Variants in SFTPB observed in about 807,000 individuals in gnomAD.
SFTPB encodes pulmonary surfactant-associated protein B.
A neutral mutation model predicts 51.0 loss-of-function variants in SFTPB; 32 were observed. The ratio of observed to expected loss-of-function variants is 0.63; its 90% CI spans 0.47 to 0.84. The LOEUF (loss-of-function observed/expected upper bound fraction) is 0.84. Among genes scored for constraint, SFTPB ranks in the 40% least tolerant of loss-of-function variants. The probability of loss-of-function intolerance (pLI) is 0.00; values close to 1 mark genes in which losing one functional copy is unlikely to be tolerated. For missense variants in SFTPB, 431 were observed against 491.2 expected, an observed-to-expected ratio of 0.88 and a Z score of 1.16; for synonymous variants, 211 against 208.5, an observed-to-expected ratio of 1.01 and a Z score of -0.10.
rs1483053482 is a variant in SFTPB at position 85,666,691 on chromosome 2, G to A, written c.319C>T (p.Leu107=). The part of the protein sequence containing the change: ...EQECNVLPLK[L]LMPQCNQVLD... ...ACTTGGTTGCACTGGGGCATGAGCA[G>A]CTTCAAGGGGAGGACGTTGCACTCC... is the stretch of plus-strand genomic sequence containing the variant. The change falls in exon 4 of 11, where the codon CTG becomes TTG. Residue 107 remains leucine, a synonymous_variant. Transcript: ENST00000519937. 1 of 1,613,842 alleles carries A rather than the reference G, an allele frequency of 6.2e-7. No individual in the cohort carries two copies. Among genetic ancestry groups the A allele is most frequent in the South Asian group, 1.1e-5 (1 of 91,082 alleles).
Position 85,666,679 on chromosome 2 carries a change from G to A in SFTPB, c.331C>T (p.Gln111Ter). ...NVLPLKLLMP[Q>*]CNQVLDDYFP... ...TAGTCGTCAAGCACTTGGTTGCACT[G>A]GGGCATGAGCAGCTTCAAGGGGAGG... The change falls in exon 4 of 11, where the codon CAG becomes TAG. Residue 111 changes from glutamine to a stop codon, truncating the protein, a stop_gained. Coordinates refer to ENST00000519937, the MANE Select transcript of SFTPB (RefSeq NM_000542.5). LOFTEE classifies it high-confidence loss of function. 1 of 1,613,828 alleles carries A rather than the reference G, an allele frequency of 6.2e-7. No homozygotes were observed. The highest frequency in any genetic ancestry group is 8.5e-7 in the Non-Finnish European group (1 of 1,179,806).
rs1367835782 is a variant in SFTPB at position 85,665,188 on chromosome 2, C to G, written c.672+101G>C. 7.5e-6 allele frequency: 7 copies of G among 934,346 alleles called. No homozygotes were observed. In the Admixed American group the frequency reaches 1.2e-4, roughly 16 times the overall value. 57.9% of individuals were successfully genotyped at this position (934,346 alleles called of 1,614,324 possible). A position where few individuals can be genotyped will look rare whatever the true frequency, so the allele number is the denominator to read the frequency against. ...TCCCCTCCTAACTTCTGGCAGCCAG[C>G]TGGGTCCTGACGGGGGTGTGAGTTG... On this transcript the variant is annotated intron_variant, in intron 6 of 10. Transcript: ENST00000519937.
Position 85,663,766 on chromosome 2 carries a change from G to A in SFTPB, c.754C>T (p.Arg252Cys), listed in dbSNP as rs772619023. ...GTGTCGAGCAGGATGACGGAGTAGC[G>A]CTCAGCCAGGCACTGGCAGATGCCG... ...AGGICQCLAE[R>C]YSVILLDTLL... Residue 252 changes from arginine (R) to cysteine (C), a missense_variant, in exon 7 of 11, where the codon CGC (arginine) becomes TGC (cysteine). Transcript: ENST00000519937. The A allele has an allele frequency of 8.1e-6, 13 of 1,606,650 alleles. No individual in the cohort carries two copies. The highest frequency in any genetic ancestry group is 4.0e-5 in the African/African-American group (3 of 74,792).
intron 6 of SFTPB, 85 bp from the exon 7 acceptor site, chr2:85,663,932 CTA>C: frequency 2.4e-6 from 3 of 1,268,188 alleles, no homozygotes; most frequent in Non-Finnish European, 3.3e-6. Flanking sequence ...TGGGCACTTC[CTA>C]CGCATTCCCT....
In SFTPB at chr2:85,663,857, G is replaced by A. The variant is rs1469974472; in HGVS notation, c.673-10C>T. 1.3e-6 allele frequency: 2 copies of A among 1,574,890 alleles called. No individual in the cohort carries two copies. The highest frequency in any genetic ancestry group is 8.6e-7 in the Non-Finnish European group (1 of 1,166,528). ...CCACAGCTAGCGCACCCTGGGGCGG[G>A]GGCGGAGAGAGGCCAGCATGGGACC... On this transcript the variant is annotated splice_polypyrimidine_tract_variant and intron_variant, in intron 6 of 10. Transcript: ENST00000519937.
chr2:85,666,489 G>T lies in SFTPB; in HGVS notation c.393+128C>A, dbSNP rs1468849119. 3.1e-5 allele frequency: 28 copies of T among 907,852 alleles called. 1 individual carries two copies. Among genetic ancestry groups the T allele is most frequent in the South Asian group, 2.3e-4 (15 of 64,580 alleles). The allele number at this position is 907,852 out of a possible 1,614,324, so 56.2% of individuals were successfully genotyped here. A position where few individuals can be genotyped will look rare whatever the true frequency, so the allele number is the denominator to read the frequency against. On this transcript the variant is annotated intron_variant, in intron 4 of 10. Coordinates refer to ENST00000519937, the MANE Select transcript of SFTPB (RefSeq NM_000542.5). Reference sequence around the variant, plus strand: ...TGTGTGTTTGTGTCTGGCCGGCTTGGGTGCTGTGTGTGTGTGTGTGTGTGT... The same window carrying T: ...TGTGTGTTTGTGTCTGGCCGGCTTGTGTGCTGTGTGTGTGTGTGTGTGTGT...
chr2:85,661,589 C>A, intron 9 of SFTPB, 54 bp from the exon 10 acceptor site: 1 of 1,451,558 alleles, frequency 6.9e-7, no homozygotes, highest in Non-Finnish European at 9.5e-7. Flanking sequence ...GCTCCCCACA[C>A]CCAGCTCTTC....
intron 10 of SFTPB, among the ~76,000 whole-genome samples, chr2:85,660,355 G>C (rs1202510737): frequency 7.9e-6 from 1 of 126,264 alleles, no homozygotes; most frequent in East Asian, 2.4e-4. Context: ...GGCTGGTCTT[G>C]AACTCCTGAC....
rs1677715090 is a variant in SFTPB, at chr2:85,667,570, A to T, written c.195+109T>A. On this transcript the variant is annotated intron_variant, in intron 2 of 10. Coordinates refer to ENST00000519937, the MANE Select transcript of SFTPB (RefSeq NM_000542.5). ...ATCTCATTTCATCTCATCCCATTTCATCTCATCCATCCCCTATGGGGGCTC... is the reference window on the plus strand; with the variant it reads ...ATCTCATTTCATCTCATCCCATTTCTTCTCATCCATCCCCTATGGGGGCTC... 3.6e-6 allele frequency: 5 copies of T among 1,374,638 alleles called. No homozygotes were observed. The South Asian group carries it at 5.8e-5, about 16-fold the overall frequency. 85.2% of individuals were successfully genotyped at this position (1,374,638 alleles called of 1,614,324 possible).
chr2:85,663,769 C>T lies in SFTPB; in HGVS notation c.751G>A (p.Glu251Lys). Reference sequence around the variant, plus strand: ...TCGAGCAGGATGACGGAGTAGCGCTCAGCCAGGCACTGGCAGATGCCGCCC... The same window carrying T: ...TCGAGCAGGATGACGGAGTAGCGCTTAGCCAGGCACTGGCAGATGCCGCCC... ...VAGGICQCLA[E>K]RYSVILLDTL... The change falls in exon 7 of 11, where the codon GAG becomes AAG. Residue 251 changes from glutamate to lysine, a missense_variant. Coordinates refer to ENST00000519937, the MANE Select transcript of SFTPB (RefSeq NM_000542.5). 1 of 1,607,014 alleles carries T rather than the reference C, an allele frequency of 6.2e-7. No homozygotes were observed. Among genetic ancestry groups the T allele is most frequent in the Non-Finnish European group, 8.5e-7 (1 of 1,177,482 alleles).
chr2:85,666,439 G>A, intron 4 of SFTPB, 178 bp downstream of exon 4: 2 of 583,852 alleles, frequency 3.4e-6, no homozygotes, highest in Non-Finnish European at 6.2e-6. Flanking sequence ...GTGTGTGTGT[G>A]TGTGTGTCCG....
Position 85,663,444 on chromosome 2 carries a change from A to C in SFTPB, c.904T>G (p.Cys302Gly). 1 of 1,613,982 alleles carries C rather than the reference A, an allele frequency of 6.2e-7. No individual in the cohort carries two copies. The highest frequency in any genetic ancestry group is 8.5e-7 in the Non-Finnish European group (1 of 1,179,996). ...CCGGCCTGGGTGGTCACGGACATGCAGAGGTGGCACTCAGAGTCTCGCGGC... is the reference window on the plus strand; with the variant it reads ...CCGGCCTGGGTGGTCACGGACATGCCGAGGTGGCACTCAGAGTCTCGCGGC... ...WLPRDSECHL[C>G]MSVTTQAGNS... is the part of the protein sequence containing the mutation. Residue 302 changes from cysteine (C) to glycine (G), a missense_variant, in exon 8 of 11, where the codon TGC becomes GGC. Transcript: ENST00000519937.
At chr2:85,668,559 G>A, upstream of SFTPB, 1 of 315,638 alleles carries the variant, frequency 3.2e-6, no homozygotes, top group South Asian at 5.1e-5. Flanking sequence ...CCCCTCCCTG[G>A]GCCTCCCAGG....
In SFTPB at chr2:85,666,727, A is replaced by T; in HGVS notation, c.283T>A (p.Phe95Ile). Residue 95 changes from phenylalanine (F) to isoleucine (I), a missense_variant, in exon 4 of 11, where the codon TTC becomes ATC. Coordinates refer to ENST00000519937, the MANE Select transcript of SFTPB (RefSeq NM_000542.5). ...EAIFQDTMRK[F>I]LEQECNVLPL... ...AGGACGTTGCACTCCTGCTCCAGGA[A>T]CTTCCTCATCGTGTCCTGGGAGGCC... is the stretch of plus-strand genomic sequence containing the variant. 6.2e-7 allele frequency: 1 copy of T among 1,613,760 alleles called. No homozygotes were observed. The highest frequency in any genetic ancestry group is 8.5e-7 in the Non-Finnish European group (1 of 1,179,846).
At position 85,665,736 on chromosome 2, in the gene SFTPB, T is replaced by C; in HGVS notation, c.452A>G (p.Glu151Gly). Residue 151 changes from glutamate (E) to glycine (G), a missense_variant, in exon 5 of 11, where the codon GAG becomes GGG. Coordinates refer to ENST00000519937, the MANE Select transcript of SFTPB (RefSeq NM_000542.5). ...GLCKSRQPEP[E>G]QEPGMSDPLP... ...GGGGTCTGACATCCCTGGCTCCTGC[T>C]CTGGCTCTGGCTGCCGGGATTTGCA... 1 of 1,614,218 alleles carries C rather than the reference T, an allele frequency of 6.2e-7. No homozygotes were observed. The highest frequency in any genetic ancestry group is 8.5e-7 in the Non-Finnish European group (1 of 1,180,034).
upstream of SFTPB, chr2:85,668,244 T>TG: frequency 6.7e-7 from 1 of 1,498,044 alleles, no homozygotes; most frequent in Non-Finnish European, 9.1e-7. Flanking sequence ...GGGCGGGGCG[T>TG]GGGGGCTCTG....
At chr2:85,665,873 G>A in intron 4 of SFTPB, 79 bp from the exon 5 acceptor site, 4 of 1,377,820 alleles carry the variant, frequency 2.9e-6, no homozygotes, top group Non-Finnish European at 4.1e-6. Context: ...AAGGGCTCAG[G>A]GACCACTGGA....
In SFTPB at chr2:85,665,393, A is replaced by G. The variant is rs202098250; in HGVS notation, c.583-15T>C. 78 of 1,606,158 alleles carry G rather than the reference A, an allele frequency of 4.9e-5. No homozygotes were observed. Among genetic ancestry groups the G allele is most frequent in the Middle Eastern group, 1.6e-4 (1 of 6,064 alleles). On this transcript the variant is annotated splice_polypyrimidine_tract_variant and intron_variant, in intron 5 of 10. Transcript: ENST00000519937. ...TCGGAGAGATCCTGGGGAAAGAATC[A>G]GGTGGAGGCCAGGCTGGGTGCTGGG...
Position 85,666,738 on chromosome 2 carries a change from G to C in SFTPB, c.272C>G (p.Thr91Arg). Residue 91 changes from threonine to arginine, a missense_variant, in exon 4 of 11, where the codon ACG (threonine) becomes AGG (arginine). By Grantham distance (71) the Thr-to-Arg change is moderately conservative (BLOSUM62 -1). Transcript: ENST00000519937. The part of the protein sequence containing the change: ...KMAKEAIFQD[T>R]MRKFLEQECN... The stretch of plus-strand genomic sequence containing the variant: ...CTCCTGCTCCAGGAACTTCCTCATC[G>C]TGTCCTGGGAGGCCAGAGGGGGCCG... The C allele has an allele frequency of 6.2e-7, 1 of 1,613,742 alleles. No individual in the cohort carries two copies.
Sources: allele counts gnomAD v4.1 joint callset (sites outside exome capture counted in the v4.1 genomes callset), GRCh38; gene constraint gnomAD v4.1.1; transcripts MANE v1.5; gene names NCBI Gene and HGNC (gene_info 2026-07-23, HGNC 2026-07-21).